Variants in NELL2 observed in about 807,000 individuals in gnomAD.
NELL2 encodes protein kinase C-binding protein NELL2.
NELL2 carries 41 observed loss-of-function variants against 109.6 expected under a neutral mutation model. That is an observed-to-expected ratio of 0.37 (90% confidence interval 0.29 to 0.49). NELL2 has a LOEUF of 0.49. Ranked by LOEUF, NELL2 falls within the 20% of genes least tolerant of loss-of-function variation. NELL2 has a pLI of 0.98. For missense variants in NELL2, 900 were observed against 1,008.3 expected (o/e 0.89, Z 1.45); for synonymous variants, 355 against 344.7 (o/e 1.03, Z -0.33).
At chr12:44,749,340 C>A (rs1211369218) in intron 9 of NELL2, among the ~76,000 whole-genome samples, 1 of 152,108 alleles carries the variant, frequency 6.6e-6, no homozygotes, top group Non-Finnish European at 1.5e-5. Flanking sequence ...CTGAAGTATA[C>A]TTCTATGTGT....
intron 3 of NELL2, among the ~76,000 whole-genome samples, chr12:44,787,696 T>C (rs1942230691): frequency 2.6e-5 from 4 of 151,714 alleles, no homozygotes; most frequent in Admixed American, 2.6e-4. Context: ...GGTAATCCAA[T>C]GGAGAAAAAT....
intron 15 of NELL2, among the ~76,000 whole-genome samples, chr12:44,580,479 G>A (rs543474976): frequency 2.0e-5 from 3 of 152,298 alleles, no homozygotes; most frequent in Admixed American, 2.0e-4. Context: ...CACTTTGGGA[G>A]GCCGAGGTGG....
At position 44,711,372 on chromosome 12, in the gene NELL2, T is replaced by C. The variant is rs1158189196; in HGVS notation, c.1109A>G (p.Glu370Gly). 2 of 1,612,256 alleles carry C rather than the reference T, an allele frequency of 1.2e-6. No homozygotes were observed. Among genetic ancestry groups the C allele is most frequent in the South Asian group, 1.1e-5 (1 of 91,070 alleles). The stretch of plus-strand genomic sequence containing the variant: ...ATCCAAAGCTGGACAGCCTGAACTC[T>C]CAACAAGTTTCATGGTCTGGTCCTG... ...ECKDQTMKLV[E>G]SSGCPALDCP... Residue 370 changes from glutamate to glycine, a missense_variant, in exon 11 of 20, where the codon GAG (glutamate) becomes GGG (glycine). Transcript: ENST00000429094.
At chr12:44,695,433 C>T (rs1311803432) in intron 12 of NELL2, among the ~76,000 whole-genome samples, 3 of 152,152 alleles carry the variant, frequency 2.0e-5, no homozygotes, top group African/African-American at 7.2e-5. Context: ...CATACTGGCT[C>T]ATGCCTGTGA....
intron 9 of NELL2, among the ~76,000 whole-genome samples, chr12:44,728,755 A>C (rs1280313089): frequency 6.6e-6 from 1 of 152,190 alleles, no homozygotes; most frequent in Non-Finnish European, 1.5e-5. Flanking sequence ...AATCATGTAC[A>C]AGGGAACTGC....
chr12:44,536,344 C>T (rs1262048761), intron 15 of NELL2, among the ~76,000 whole-genome samples: 1 of 151,984 alleles, frequency 6.6e-6, no homozygotes, highest in African/African-American at 2.4e-5. Context: ...TAAATGCACA[C>T]ATATTTTGAA....
intron 15 of NELL2, among the ~76,000 whole-genome samples, chr12:44,594,963 C>T (rs950488288): frequency 2.6e-5 from 4 of 152,130 alleles, no homozygotes; most frequent in Admixed American, 6.6e-5. Flanking sequence ...GTTTTGGCAT[C>T]CTGTAATGTG....
intron 3 of NELL2, among the ~76,000 whole-genome samples, chr12:44,788,845 C>G (rs1399177319): frequency 6.6e-6 from 1 of 152,070 alleles, no homozygotes; most frequent in East Asian, 1.9e-4. Context: ...TAAGACCGCC[C>G]CTTTGAATTG....
chr12:44,590,897 C>T (rs1298568622), intron 15 of NELL2, among the ~76,000 whole-genome samples: 3 of 135,156 alleles, frequency 2.2e-5, no homozygotes, highest in Non-Finnish European at 4.9e-5. Flanking sequence ...GCAGAATATA[C>T]AAAAAAAAAA....
intron 15 of NELL2, among the ~76,000 whole-genome samples, chr12:44,536,449 G>C (rs1942298025): frequency 6.6e-6 from 1 of 151,944 alleles, no homozygotes; most frequent in South Asian, 2.1e-4. Flanking sequence ...CTTTAGGTTA[G>C]TTAAAACCTA....
chr12:44,516,598 G>A lies in NELL2; in HGVS notation c.2400+3407C>T, dbSNP rs118156021. On this transcript the variant is annotated intron_variant, in intron 19 of 19. Transcript: ENST00000429094. ...ATGATTTCCTCTTTTATTTTAGTAG[G>A]TGTACTTTTTTAGTGAGTTGTTTAT... Among the ~76,000 whole-genome samples, 7 of 152,216 alleles carry A rather than the reference G, an allele frequency of 4.6e-5. No individual in the cohort carries two copies. The East Asian group carries it at 1.4e-3, about 29-fold the overall frequency.
intron 9 of NELL2, among the ~76,000 whole-genome samples, chr12:44,757,805 CA>C (rs1172232408): frequency 2.6e-5 from 4 of 151,888 alleles, no homozygotes; most frequent in Admixed American, 1.3e-4. Context: ...AACAAATGAA[CA>C]GTAAATGTGA....
chr12:44,877,482 G>T (rs1051897994), upstream of NELL2, among the ~76,000 whole-genome samples: 2 of 152,246 alleles, frequency 1.3e-5, no homozygotes, highest in East Asian at 3.9e-4. Context: ...AAGATCAATT[G>T]GGTTTCTTAA....
At position 44,575,380 on chromosome 12, in the gene NELL2, C is replaced by A. The variant is rs761691769; in HGVS notation, c.1663+31789G>T. Among the ~76,000 whole-genome samples the A allele has an allele frequency of 3.7e-4, 56 of 152,230 alleles. 1 individual carries two copies. The highest frequency in any genetic ancestry group is 3.2e-3 in the Middle Eastern group (1 of 316). On this transcript the variant is annotated intron_variant, in intron 15 of 19. Transcript: ENST00000429094. ...GGCAGATATTTCTACAAACTCCTGG[C>A]AGCTTTGGTTCTCAGAGGCTTGGAA...
At chr12:44,919,682 T>G (rs969143280) in intron 1 of NELL2, among the ~76,000 whole-genome samples, 3 of 152,104 alleles carry the variant, frequency 2.0e-5, no homozygotes, top group African/African-American at 7.2e-5. Context: ...AACAAAACAC[T>G]GGAAGCTAGG....
intron 2 of NELL2, among the ~76,000 whole-genome samples, chr12:44,825,356 A>T: frequency 7.2e-6 from 1 of 138,972 alleles, no homozygotes; most frequent in Admixed American, 7.1e-5. Context: ...ACGTATTTTT[A>T]TAGCTATTAT....
intron 3 of NELL2, among the ~76,000 whole-genome samples, chr12:44,783,215 G>A (rs1378230410): frequency 3.3e-5 from 5 of 149,600 alleles, no homozygotes; most frequent in African/African-American, 9.8e-5. Context: ...ATCAAAAATT[G>A]CCAAAAAAAC....
intron 13 of NELL2, among the ~76,000 whole-genome samples, chr12:44,642,886 C>A (rs2136302789): frequency 6.6e-6 from 1 of 152,090 alleles, no homozygotes; most frequent in East Asian, 1.9e-4. Flanking sequence ...CTCTCAAAAA[C>A]AAAACAAAAC....
intron 9 of NELL2, among the ~76,000 whole-genome samples, chr12:44,716,364 CA>C (rs1448384444): frequency 6.6e-6 from 1 of 152,078 alleles, no homozygotes; most frequent in East Asian, 1.9e-4. Context: ...AGCTTGCTAG[CA>C]AAGAATAAAA....
Sources: gnomAD v4.1 joint callset for allele counts (sites outside exome capture counted in the v4.1 genomes callset) on GRCh38, gnomAD v4.1.1 for gene constraint, MANE v1.5 for transcripts, NCBI Gene and HGNC (gene_info 2026-07-23, HGNC 2026-07-21) for gene names.